The following CLEC4F variants were observed in gnomAD, a reference collection of about 807,000 sequenced individuals.
CLEC4F encodes the protein C-type lectin domain family 4 member F, also known as C-type (calcium dependent, carbohydrate-recognition domain) lectin, superfamily member 13.
In CLEC4F, 45 loss-of-function variants were observed where a neutral mutation model predicts 53.4. That is an observed-to-expected ratio of 0.84 (90% CI 0.66 to 1.08). CLEC4F has a LOEUF of 1.08. Among genes scored for constraint, CLEC4F ranks in the 50% least tolerant of loss-of-function variants. The pLI, the probability that CLEC4F is intolerant of heterozygous loss-of-function variation, is 0.00. For missense variants in CLEC4F, 753 were observed against 698.2 expected (o/e 1.08, Z -0.88); for synonymous variants, 245 against 257.5 (o/e 0.95, Z 0.46).
At chr2:70,822,129 G>T (rs562888790), upstream of CLEC4F, among the ~76,000 whole-genome samples, 1 of 152,130 alleles carries the variant, frequency 6.6e-6, no homozygotes, top group Non-Finnish European at 1.5e-5. Flanking sequence ...GCATCTGAAG[G>T]GGGGCAGTCT....
upstream of CLEC4F, among the ~76,000 whole-genome samples, chr2:70,822,417 A>T (rs1553398212): frequency 6.7e-6 from 1 of 148,824 alleles, no homozygotes; most frequent in East Asian, 2.0e-4. Context: ...AATGAGCCCT[A>T]TCCCTTCCAG....
Position 70,819,499 on chromosome 2 carries a change from A to G in CLEC4F, c.179-55T>C, listed in dbSNP as rs538386398. ...AATCCCCAGCCCTGAGCCTGGGAGG[A>G]TACGCTGTCCCACACAGAGGTAGAG... On this transcript the variant is annotated intron_variant, in intron 2 of 6. Transcript: ENST00000272367. 1.7e-3 allele frequency: 2,565 copies of G among 1,501,402 alleles called. 4 individuals are homozygous for G. Among genetic ancestry groups the G allele is most frequent in the Non-Finnish European group, 1.8e-3 (1,937 of 1,077,846 alleles). 93.0% of individuals were successfully genotyped at this position (1,501,402 alleles called of 1,614,324 possible). A position where few individuals can be genotyped will look rare whatever the true frequency, so the allele number is the denominator to read the frequency against.
chr2:70,809,643 C>A, intron 6 of CLEC4F, 96 bp downstream of exon 6: 1 of 988,946 alleles, frequency 1.0e-6, no homozygotes, highest in South Asian at 1.3e-5. Flanking sequence ...CACATATACA[C>A]ACAACACTAC....
Position 70,816,886 on chromosome 2 carries a change from C to A in CLEC4F, c.495G>T (p.Gln165His). 1 of 1,614,216 alleles carries A rather than the reference C, an allele frequency of 6.2e-7. No homozygotes were observed. Among genetic ancestry groups the A allele is most frequent in the South Asian group, 1.1e-5 (1 of 91,080 alleles). ...CCAGGGAACTCCTTAACATCTGTGT[C>A]TGCAAACTCAATGTAGTGGCATCCT... Reference protein sequence around the residue: ...VLKDATTLSLQTQMLRSSLEG... With the variant: ...VLKDATTLSLHTQMLRSSLEG... Residue 165 changes from glutamine to histidine, a missense_variant, in exon 4 of 7, where the codon CAG becomes CAT. Physicochemically the swap from Gln to His is conservative, Grantham distance 24. Transcript: ENST00000272367.
chr2:70,809,888 C>T, intron 5 of CLEC4F, 31 bp from the exon 6 acceptor site: 6 of 1,528,050 alleles, frequency 3.9e-6, no homozygotes, highest in African/African-American at 1.4e-5. Flanking sequence ...CAGTTTGCCC[C>T]TGTGTGTGGG....
At position 70,816,544 on chromosome 2, in the gene CLEC4F, T is replaced by G; in HGVS notation, c.837A>C (p.Glu279Asp). Residue 279 changes from glutamate (E) to aspartate (D), a missense_variant, in exon 4 of 7, where the codon GAA becomes GAC. By Grantham distance (45) the Glu-to-Asp change is conservative (BLOSUM62 2). Transcript: ENST00000272367. ...TQNQVLRNSL[E>D]GANAEIQGLK... ...GTCCCTGGATCTCAGCATTGGCTCC[T>G]TCCAAACTATTTCTTAAAACCTGGT... 1 of 1,613,952 alleles carries G rather than the reference T, an allele frequency of 6.2e-7. No homozygotes were observed. Among genetic ancestry groups the G allele is most frequent in the Non-Finnish European group, 8.5e-7 (1 of 1,180,010 alleles).
In CLEC4F at chr2:70,817,127, TGAA is replaced by T; in HGVS notation, c.269-18_269-16del. 5 of 1,597,472 alleles carry T rather than the reference TGAA, an allele frequency of 3.1e-6. No homozygotes were observed. The highest frequency in any genetic ancestry group is 4.3e-6 in the Non-Finnish European group (5 of 1,176,216). On this transcript the variant is annotated splice_polypyrimidine_tract_variant and intron_variant, in intron 3 of 6. Coordinates refer to ENST00000272367, the MANE Select transcript of CLEC4F (RefSeq NM_173535.3). ...GTGGTGATGATCTGGAGGGAGGAAGTGAAGAAGGCAGCCAAAGAGGCCCATTAT... is the reference window on the plus strand; with the variant it reads ...GTGGTGATGATCTGGAGGGAGGAAGTGAAGGCAGCCAAAGAGGCCCATTAT...
chr2:70,811,348 T>C, intron 5 of CLEC4F: 1 of 948,994 alleles, frequency 1.1e-6, no homozygotes, highest in Non-Finnish European at 1.7e-6. Context: ...TTCTGTTGAA[T>C]AGACTGTTGA....
At chr2:70,813,476 G>A (rs1676672606) in intron 4 of CLEC4F, among the ~76,000 whole-genome samples, 1 of 151,588 alleles carries the variant, frequency 6.6e-6, no homozygotes, top group Non-Finnish European at 1.5e-5. Context: ...TACTGGAGCT[G>A]AGTCTCTCTT....
chr2:70,813,482 CTCTT>C lies in CLEC4F; in HGVS notation c.1388-888_1388-885del, dbSNP rs1243440266. 1.9e-3 allele frequency among the ~76,000 whole-genome samples: 282 copies of C among 150,514 alleles called. 2 individuals are homozygous for C. Among genetic ancestry groups the C allele is most frequent in the African/African-American group, 6.3e-3 (255 of 40,302 alleles). ...ATGAGATGTTACTGGAGCTGAGTCT[CTCTT>C]TCTTTCTTTTTCTTTCTTTCTTTCT... is the stretch of plus-strand genomic sequence containing the variant. On this transcript the variant is annotated intron_variant, in intron 4 of 6. Transcript: ENST00000272367.
chr2:70,821,155 C>A (rs562578179), upstream of CLEC4F, among the ~76,000 whole-genome samples: 3 of 152,318 alleles, frequency 2.0e-5, no homozygotes, highest in East Asian at 1.9e-4. Context: ...AAATCCCCTG[C>A]AGATACCAAG....
At position 70,816,609 on chromosome 2, in the gene CLEC4F, T is replaced by C. The variant is rs782154444; in HGVS notation, c.772A>G (p.Arg258Gly). The change falls in exon 4 of 7, where the codon AGA becomes GGA. Residue 258 changes from arginine (R) to glycine (G), a missense_variant. Coordinates refer to ENST00000272367, the MANE Select transcript of CLEC4F (RefSeq NM_173535.3). ...KNANAEIYVL[R>G]GHLDSVNDLR... ...TCATTGACACTATCTAGATGGCCTC[T>C]CAAAACATAGATCTCAGCATTAGCG... is the stretch of plus-strand genomic sequence containing the variant. 3 of 1,614,024 alleles carry C rather than the reference T, an allele frequency of 1.9e-6. No homozygotes were observed. The highest frequency in any genetic ancestry group is 2.5e-6 in the Non-Finnish European group (3 of 1,180,040).
At chr2:70,812,747 G>T in intron 4 of CLEC4F, 149 bp from the exon 5 acceptor site, 1 of 790,024 alleles carries the variant, frequency 1.3e-6, no homozygotes, top group East Asian at 2.6e-5. Context: ...AAGGCCTGGG[G>T]GGCTGCACTG....
rs201579889 is a variant in CLEC4F, at chr2:70,809,752, C to T, written c.1645G>A (p.Ala549Thr). 475 of 1,613,618 alleles carry T rather than the reference C, an allele frequency of 2.9e-4. 5 individuals are homozygous for T. In the Admixed American group the frequency reaches 7.4e-3, roughly 25 times the overall value. Residue 549 changes from alanine to threonine, a missense_variant, in exon 6 of 7, where the codon GCC (alanine) becomes ACC (threonine). Coordinates refer to ENST00000272367, the MANE Select transcript of CLEC4F (RefSeq NM_173535.3). ...RWTDGTPFNA[A>T]QNKAPGSKGS... ...GGCTAGACTCACGCTTTGTTCTGGG[C>T]GGCGTTGAATGGTGTCCCATCTGTC...
rs141231276 is a variant in CLEC4F at position 70,816,178 on chromosome 2, T to C, written c.1203A>G (p.Ser401=). The C allele has an allele frequency of 7.4e-6, 12 of 1,614,210 alleles. No homozygotes were observed. The African/African-American group carries it at 1.5e-4, about 20-fold the overall frequency. Residue 401 remains serine (S), a synonymous_variant, in exon 4 of 7, where the codon TCA becomes TCG. Transcript: ENST00000272367. ...QTLKQGMKNA[S]ALTSQTQMLD... The stretch of plus-strand genomic sequence containing the variant: ...ACATCTGGGTCTGGGAAGTTAAGGC[T>C]GAAGCATTCTTCATTCCTTGTTTTA...
intron 3 of CLEC4F, among the ~76,000 whole-genome samples, chr2:70,818,963 T>G (rs782398627): frequency 3.9e-5 from 6 of 152,004 alleles, no homozygotes; most frequent in Non-Finnish European, 2.9e-5. Context: ...TACTCTATGA[T>G]CTCTTATCTA....
At chr2:70,811,235 G>C in intron 5 of CLEC4F, 1 of 866,634 alleles carries the variant, frequency 1.2e-6, no homozygotes, top group South Asian at 1.3e-5. Flanking sequence ...AGTCCAATTA[G>C]CTCAAGGCAC....
chr2:70,824,041 AGAAAG>A (rs782163387), upstream of CLEC4F, among the ~76,000 whole-genome samples: 241 of 128,546 alleles, frequency 1.9e-3, 2 homozygotes, highest in South Asian at 0.017. Flanking sequence ...AAAAAAAGAA[AGAAAG>A]AAAGAAAGAA....
chr2:70,822,082 C>G (rs1677239228), upstream of CLEC4F, among the ~76,000 whole-genome samples: 1 of 152,082 alleles, frequency 6.6e-6, no homozygotes, highest in African/African-American at 2.4e-5. Flanking sequence ...TTGTAGTTGA[C>G]CAGGCAGAAG....
Sources: gnomAD v4.1 joint callset for allele counts (sites outside exome capture counted in the v4.1 genomes callset) on GRCh38, gnomAD v4.1.1 for gene constraint, MANE v1.5 for transcripts, NCBI Gene and HGNC (gene_info 2026-07-23, HGNC 2026-07-21) for gene names.